Variants in SLC7A6 observed in about 807,000 individuals in gnomAD.
SLC7A6 encodes Y+L amino acid transporter 2.
In SLC7A6, 29 loss-of-function variants were observed where a neutral mutation model predicts 46.6. The observed-to-expected ratio is 0.62, with a 90% CI of 0.46 to 0.85. The LOEUF (loss-of-function observed/expected upper bound fraction) is 0.85, where lower values mean the gene tolerates loss of function less well. SLC7A6 is among the 40% of genes least tolerant of loss of function. SLC7A6 has a pLI of 0.00. For missense variants in SLC7A6, 527 were observed against 647.6 expected (o/e 0.81, Z 2.02); for synonymous variants, 276 against 257.3 (o/e 1.07, Z -0.70).
intron 3 of SLC7A6, 29 bp downstream of exon 3, chr16:68,275,278 T>G: frequency 1.4e-5 from 19 of 1,388,472 alleles, no homozygotes; most frequent in East Asian, 2.8e-5. Flanking sequence ...TGGGAGGATG[T>G]TGGGGGGTGG....
chr16:68,273,614 T>A (rs1043380641), intron 2 of SLC7A6, among the ~76,000 whole-genome samples: 3 of 152,132 alleles, frequency 2.0e-5, no homozygotes, highest in African/African-American at 7.2e-5. Context: ...AGTGGCAAAT[T>A]AGCCCTGGGT....
intron 8 of SLC7A6, 82 bp from the exon 9 acceptor site, chr16:68,296,282 A>T: frequency 6.6e-7 from 1 of 1,505,672 alleles, no homozygotes; most frequent in Non-Finnish European, 9.2e-7. Context: ...CATCAGATCT[A>T]GTACTGACTG....
At chr16:68,273,304 A>G (rs1236634697) in intron 2 of SLC7A6, among the ~76,000 whole-genome samples, 1 of 152,182 alleles carries the variant, frequency 6.6e-6, no homozygotes, top group Admixed American at 6.5e-5. Context: ...ACTTCTGGAA[A>G]GATGATGTGC....
At chr16:68,296,241 GA>G in intron 8 of SLC7A6, 122 bp from the exon 9 acceptor site, 1 of 1,098,610 alleles carries the variant, frequency 9.1e-7, no homozygotes, top group African/African-American at 1.5e-5. Flanking sequence ...AGGGGTCAAT[GA>G]AAAGAGCCAG....
At position 68,297,694 on chromosome 16, in the gene SLC7A6, C is replaced by A; in HGVS notation, c.*366C>A. 1 of 173,454 alleles carries A rather than the reference C, an allele frequency of 5.8e-6. No homozygotes were observed. The allele number at this position is 173,454 out of a possible 1,614,324, so 10.7% of individuals were successfully genotyped here. Reference sequence around the variant, plus strand: ...TGAATTTGGTATTTGAACTAGGAGTCCCTATAGAGGGGCTGCTTTATGGGA... The same window carrying A: ...TGAATTTGGTATTTGAACTAGGAGTACCTATAGAGGGGCTGCTTTATGGGA... On this transcript the variant is annotated 3_prime_UTR_variant, in exon 11 of 11. Transcript: ENST00000219343.
At chr16:68,291,015 T>G (rs2043038240) in intron 5 of SLC7A6, 194 bp from the exon 6 acceptor site, 3 of 632,812 alleles carry the variant, frequency 4.7e-6, no homozygotes, top group Non-Finnish European at 8.4e-6. Context: ...ATATTGATCA[T>G]GAGCTATCTT....
At chr16:68,291,692 C>T in intron 7 of SLC7A6, 31 bp downstream of exon 7, 1 of 1,578,974 alleles carries the variant, frequency 6.3e-7, no homozygotes, top group South Asian at 1.1e-5. Context: ...TGATAATAGA[C>T]CACAATATTT....
intron 2 of SLC7A6, among the ~76,000 whole-genome samples, chr16:68,270,788 T>C (rs2042610874): frequency 6.6e-6 from 1 of 152,168 alleles, no homozygotes; most frequent in African/African-American, 2.4e-5. Flanking sequence ...AATTGTTGTT[T>C]GTCACTGGAG....
rs1405069820 is a variant in SLC7A6 at position 68,297,347 on chromosome 16, T to C, written c.*19T>C. 6.2e-7 allele frequency: 1 copy of C among 1,610,824 alleles called. No homozygotes were observed. Among genetic ancestry groups the C allele is most frequent in the Non-Finnish European group, 8.5e-7 (1 of 1,177,594 alleles). ...TGACTAGAGGTCAGAGGTGGCTTTC[T>C]GAGGCCTGGAAGGCAGGCCAACCAG... On this transcript the variant is annotated 3_prime_UTR_variant, in exon 11 of 11. Transcript: ENST00000219343.
chr16:68,295,810 C>T (rs953947998), intron 8 of SLC7A6, among the ~76,000 whole-genome samples: 3 of 152,158 alleles, frequency 2.0e-5, no homozygotes, highest in Admixed American at 6.5e-5. Flanking sequence ...TTTCCAGGTC[C>T]AACACCTGAC....
chr16:68,275,288 G>T, intron 3 of SLC7A6, 39 bp downstream of exon 3: 1 of 1,570,752 alleles, frequency 6.4e-7, no homozygotes, highest in South Asian at 1.1e-5. Context: ...TTGGGGGGTG[G>T]GGGGTACTAT....
chr16:68,295,530 AGCT>A (rs2043144654), intron 8 of SLC7A6, among the ~76,000 whole-genome samples: 1 of 152,202 alleles, frequency 6.6e-6, no homozygotes, highest in Non-Finnish European at 1.5e-5. Context: ...GGCTCCAGTG[AGCT>A]GCCACTTCAG....
rs2043051611 is a variant in SLC7A6, at chr16:68,291,643, C to A, written c.1004C>A (p.Ser335Tyr). Residue 335 changes from serine (S) to tyrosine (Y), a missense_variant, in exon 7 of 11, where the codon TCC becomes TAC. Ser to Tyr is a moderately radical substitution (Grantham distance 144, BLOSUM62 -2). Coordinates refer to ENST00000219343, the MANE Select transcript of SLC7A6 (RefSeq NM_003983.6). ...ALSCFGGLNASIFASSRLFFV... is the reference protein window; with the variant it reads ...ALSCFGGLNAYIFASSRLFFV... ...TCCTGCTTTGGGGGCCTCAATGCAT[C>A]CATCTTTGCTTCATCAAGGTACTGT... is the stretch of plus-strand genomic sequence containing the variant. 9 of 1,613,922 alleles carry A rather than the reference C, an allele frequency of 5.6e-6. No individual in the cohort carries two copies. The highest frequency in any genetic ancestry group is 6.8e-6 in the Non-Finnish European group (8 of 1,179,818).
At chr16:68,285,792 A>G (rs2042918205) in intron 3 of SLC7A6, among the ~76,000 whole-genome samples, 1 of 152,020 alleles carries the variant, frequency 6.6e-6, no homozygotes, top group African/African-American at 2.4e-5. Flanking sequence ...TTGCTTGGTG[A>G]TGAGCTTAAG....
In SLC7A6 at chr16:68,291,801, T is replaced by TGTGTGTG. The variant is rs1555532343; in HGVS notation, c.1022+140_1022+141insGTGTGTG. On this transcript the variant is annotated intron_variant, in intron 7 of 10. Transcript: ENST00000219343. ...TGTGTGTGTGTGTGTGTGTGTGTGTTTGGTATGTGGGCATGTACTTGCCTT... is the reference window on the plus strand; with the variant it reads ...TGTGTGTGTGTGTGTGTGTGTGTGTTGTGTGTGTGGTATGTGGGCATGTACTTGCCTT... 1.4e-4 allele frequency: 43 copies of TGTGTGTG among 310,498 alleles called. No homozygotes were observed. The Middle Eastern group carries it at 4.8e-3, about 35-fold the overall frequency. The allele number at this position is 310,498 out of a possible 1,614,324, so 19.2% of individuals were successfully genotyped here. A position where few individuals can be genotyped will look rare whatever the true frequency, so the allele number is the denominator to read the frequency against.
At chr16:68,295,875 G>A (rs2043154187) in intron 8 of SLC7A6, among the ~76,000 whole-genome samples, 1 of 152,188 alleles carries the variant, frequency 6.6e-6, no homozygotes, top group African/African-American at 2.4e-5. Context: ...TCTTCCATGG[G>A]GAGAGAGTTA....
In SLC7A6 at chr16:68,300,516, T is replaced by G; in HGVS notation, c.*3188T>G. On this transcript the variant is annotated 3_prime_UTR_variant, in exon 11 of 11. Coordinates refer to ENST00000219343, the MANE Select transcript of SLC7A6 (RefSeq NM_003983.6). The stretch of plus-strand genomic sequence containing the variant: ...GTACTTTGTTTTTCCTCCCTTGCCT[T>G]AAGTCCTTGGTATTTATAATCAATG... The G allele has an allele frequency of 1.4e-6, 1 of 725,316 alleles. No individual in the cohort carries two copies. The highest frequency in any genetic ancestry group is 1.7e-6 in the Non-Finnish European group (1 of 592,382). 44.9% of individuals were successfully genotyped at this position (725,316 alleles called of 1,614,324 possible).
At position 68,297,276 on chromosome 16, in the gene SLC7A6, T is replaced by C. The variant is rs201797964; in HGVS notation, c.1496T>C (p.Leu499Pro). The C allele has an allele frequency of 8.1e-6, 13 of 1,614,182 alleles. No homozygotes were observed. In the East Asian group the frequency reaches 2.7e-4, roughly 33 times the overall value. The change falls in exon 11 of 11, where the codon CTG (leucine) becomes CCG (proline). Residue 499 changes from leucine (L) to proline (P), a missense_variant. Transcript: ENST00000219343. ...ACCCAGCAGCTTTGCTTTTGTGTCC[T>C]GACTGAGCTTGATGTAGCCGAAGAA... The part of the protein sequence containing the change: ...RGTQQLCFCV[L>P]TELDVAEEKK...
Position 68,296,437 on chromosome 16 carries a change from G to C in SLC7A6, c.1193G>C (p.Trp398Ser), listed in dbSNP as rs2043167495. The C allele has an allele frequency of 6.2e-7, 1 of 1,614,156 alleles. No homozygotes were observed. Among genetic ancestry groups the C allele is most frequent in the Non-Finnish European group, 8.5e-7 (1 of 1,180,032 alleles). The change falls in exon 9 of 11, where the codon TGG becomes TCG. Residue 398 changes from tryptophan (W) to serine (S), a missense_variant. Coordinates refer to ENST00000219343, the MANE Select transcript of SLC7A6 (RefSeq NM_003983.6). ...ATCAACTACTTCAGCTTCAGCTACT[G>C]GTTCTTCGTGGGCCTGTCTGTTGTT... Reference protein sequence around the residue: ...QLINYFSFSYWFFVGLSVVGQ... With the variant: ...QLINYFSFSYSFFVGLSVVGQ...
Sources: gnomAD v4.1 joint callset for allele counts (sites outside exome capture counted in the v4.1 genomes callset) on GRCh38, gnomAD v4.1.1 for gene constraint, MANE v1.5 for transcripts, NCBI Gene and HGNC (gene_info 2026-07-23, HGNC 2026-07-21) for gene names.